The following SPINK14 variants were observed in gnomAD, a reference collection of about 807,000 sequenced individuals.
The protein encoded by SPINK14 is serine peptidase inhibitor Kazal type 14 (putative), also known as serine protease inhibitor Kazal-type 14.
Under a neutral mutation model 14.2 loss-of-function variants are expected in SPINK14, and 6 were observed. The ratio of observed to expected loss-of-function variants is 0.42; its 90% confidence interval spans 0.23 to 0.83. The LOEUF (loss-of-function observed/expected upper bound fraction) is 0.83, where lower values mean the gene tolerates loss of function less well. Ranked by LOEUF, SPINK14 falls within the 40% of genes least tolerant of loss-of-function variation. The pLI, the probability that SPINK14 is intolerant of heterozygous loss-of-function variation, is 0.28. For missense variants in SPINK14, 86 were observed against 108.3 expected (o/e 0.79, Z 0.91); for synonymous variants, 34 against 36.8 (o/e 0.92, Z 0.27).
chr5:148,170,849 A>G (rs955839632), intron 2 of SPINK14, 81 bp from the exon 3 acceptor site: 2 of 1,227,564 alleles, frequency 1.6e-6, no homozygotes, highest in East Asian at 2.4e-5. Context: ...ATAATAAATT[A>G]GAACTCGTTT....
chr5:148,174,318 G>T lies in SPINK14; in HGVS notation c.196G>T (p.Gly66Cys). ...PCPGLYQPIC[G>C]TNFITYDNPC... ...CCCTGGCTTATATCAACCCATCTGC[G>T]GCACCAATTTTATAACCTATGATAA... The change falls in exon 4 of 5, where the codon GGC becomes TGC. Residue 66 changes from glycine (G) to cysteine (C), a missense_variant. Gly to Cys is a radical substitution (Grantham distance 159, BLOSUM62 -3). Coordinates refer to ENST00000356972, the MANE Select transcript of SPINK14 (RefSeq NM_001001325.2). 2 of 1,113,516 alleles carry T rather than the reference G, an allele frequency of 1.8e-6. 1 individual carries two copies. Among genetic ancestry groups the T allele is most frequent in the Non-Finnish European group, 2.5e-6 (2 of 810,602 alleles). The allele number at this position is 1,113,516 out of a possible 1,614,324, so 69.0% of individuals were successfully genotyped here.
At chr5:148,169,203 C>A (rs1326632655) in intron 1 of SPINK14, among the ~76,000 whole-genome samples, 2 of 152,136 alleles carry the variant, frequency 1.3e-5, no homozygotes, top group African/African-American at 2.4e-5. Context: ...TTGGTATAGA[C>A]AAGCATGCCT....
At chr5:148,171,099 C>A in intron 3 of SPINK14, 126 bp downstream of exon 3, 1 of 849,172 alleles carries the variant, frequency 1.2e-6, no homozygotes. Context: ...CCTATTTGTA[C>A]GAGGGTGGTG....
chr5:148,169,929 T>A (rs7726994), intron 2 of SPINK14, 130 bp downstream of exon 2: 188,881 of 395,312 alleles, frequency 0.48, 47,698 homozygotes, highest in Middle Eastern at 0.54. Context: ...TATATATATA[T>A]AAATTATCCA....
In SPINK14 at chr5:148,174,244, C is replaced by A. The variant is rs1418117251; in HGVS notation, c.122C>A (p.Pro41Gln). The change falls in exon 4 of 5, where the codon CCA (proline) becomes CAA (glutamine). Residue 41 changes from proline to glutamine, a missense_variant. Physicochemically the swap from Pro to Gln is moderately conservative, Grantham distance 76 (BLOSUM62 -1). Transcript: ENST00000356972. ...TCAACTCAATTTCAGGTGAAATGTC[C>A]ATATGAGAAAGTAAACTTGAGCTGG... ...PPRGIIKVKCPYEKVNLSWYN... is the reference protein window; with the variant it reads ...PPRGIIKVKCQYEKVNLSWYN... The A allele has an allele frequency of 8.1e-6, 9 of 1,113,504 alleles. 3 individuals are homozygous for A. The East Asian group carries it at 2.5e-4, about 31-fold the overall frequency. The allele number at this position is 1,113,504 out of a possible 1,614,324, so 69.0% of individuals were successfully genotyped here.
In SPINK14 at chr5:148,174,300, T is replaced by C. The variant is rs1236649339; in HGVS notation, c.178T>C (p.Leu60=). The C allele has an allele frequency of 2.7e-6, 3 of 1,114,038 alleles. 1 individual carries two copies. The Admixed American group carries it at 6.1e-5, about 23-fold the overall frequency. The allele number at this position is 1,114,038 out of a possible 1,614,324, so 69.0% of individuals were successfully genotyped here. A position where few individuals can be genotyped will look rare whatever the true frequency, so the allele number is the denominator to read the frequency against. ...TGGAACGGTCAACCCCTGCCCTGGC[T>C]TATATCAACCCATCTGCGGCACCAA... is the stretch of plus-strand genomic sequence containing the variant. ...YNGTVNPCPG[L]YQPICGTNFI... Residue 60 remains leucine, a synonymous_variant, in exon 4 of 5, where the codon TTA becomes CTA. Coordinates refer to ENST00000356972, the MANE Select transcript of SPINK14 (RefSeq NM_001001325.2).
At chr5:148,170,862 T>C in intron 2 of SPINK14, 68 bp from the exon 3 acceptor site, 1 of 1,402,284 alleles carries the variant, frequency 7.1e-7, no homozygotes, top group Non-Finnish European at 1.0e-6. Context: ...ACTCGTTTAT[T>C]CTGCCAACAG....
At chr5:148,168,752 G>C (rs1324105593) in intron 1 of SPINK14, among the ~76,000 whole-genome samples, 185 bp downstream of exon 1, 1 of 152,080 alleles carries the variant, frequency 6.6e-6, no homozygotes, top group African/African-American at 2.4e-5. Flanking sequence ...GAGTAGGCAT[G>C]GTAGGCAACC....
chr5:148,170,571 T>A (rs529056899), intron 2 of SPINK14, among the ~76,000 whole-genome samples: 5 of 152,082 alleles, frequency 3.3e-5, no homozygotes, highest in Non-Finnish European at 7.4e-5. Context: ...CCTAAAAAAA[T>A]ATGATGATTG....
Position 148,175,368 on chromosome 5 carries a change from A to G in SPINK14, c.264A>G (p.Arg88=). The G allele has an allele frequency of 1.2e-6, 2 of 1,603,282 alleles. No individual in the cohort carries two copies. The highest frequency in any genetic ancestry group is 8.5e-7 in the Non-Finnish European group (1 of 1,172,718). The change falls in exon 5 of 5, where the codon AGA becomes AGG. Residue 88 remains arginine, a synonymous_variant. Transcript: ENST00000356972. ...CTTCCTTTAGGAAATCTCATGGAAG[A>G]ATCAGGTTTTACCATGATGGAAAAT... The part of the protein sequence containing the change: ...LCVESLKSHG[R]IRFYHDGKC
intron 1 of SPINK14, among the ~76,000 whole-genome samples, 151 bp from the exon 2 acceptor site, chr5:148,169,510 T>C (rs1755072493): frequency 6.6e-6 from 1 of 152,208 alleles, no homozygotes; most frequent in African/African-American, 2.4e-5. Flanking sequence ...TTAATCAAGA[T>C]AGTTATTCAA....
At chr5:148,168,841 T>C (rs1755064499) in intron 1 of SPINK14, among the ~76,000 whole-genome samples, 1 of 152,168 alleles carries the variant, frequency 6.6e-6, no homozygotes, top group African/African-American at 2.4e-5. Flanking sequence ...AAGTAACACC[T>C]GCCACATCAG....
At chr5:148,174,449 T>A in intron 4 of SPINK14, 79 bp downstream of exon 4, 1 of 833,372 alleles carries the variant, frequency 1.2e-6, no homozygotes, top group Non-Finnish European at 1.7e-6. Context: ...TCCTATCAAG[T>A]ACATCAACCT....
chr5:148,172,749 G>A (rs1468076429), intron 3 of SPINK14, among the ~76,000 whole-genome samples: 6 of 152,032 alleles, frequency 3.9e-5, no homozygotes, highest in African/African-American at 1.4e-4. Flanking sequence ...GAGCTCTAAA[G>A]TTAGAATGAG....
intron 4 of SPINK14, among the ~76,000 whole-genome samples, chr5:148,174,683 A>C (rs1368874481): frequency 6.8e-6 from 1 of 147,124 alleles, no homozygotes; most frequent in African/African-American, 2.5e-5. Flanking sequence ...ATTATTTTTT[A>C]TTTTAAGAAA....
At position 148,174,243 on chromosome 5, in the gene SPINK14, C is replaced by T. The variant is rs1184432018; in HGVS notation, c.121C>T (p.Pro41Ser). The change falls in exon 4 of 5, where the codon CCA (proline) becomes TCA (serine). Residue 41 changes from proline (P) to serine (S), a missense_variant. Transcript: ENST00000356972. ...PPRGIIKVKC[P>S]YEKVNLSWYN... ...TTCAACTCAATTTCAGGTGAAATGT[C>T]CATATGAGAAAGTAAACTTGAGCTG... 1 of 1,113,496 alleles carries T rather than the reference C, an allele frequency of 9.0e-7. No individual in the cohort carries two copies. Among genetic ancestry groups the T allele is most frequent in the South Asian group, 1.6e-5 (1 of 64,304 alleles). The allele number at this position is 1,113,496 out of a possible 1,614,324, so 69.0% of individuals were successfully genotyped here. A position where few individuals can be genotyped will look rare whatever the true frequency, so the allele number is the denominator to read the frequency against.
At chr5:148,172,797 T>C (rs535693084) in intron 3 of SPINK14, among the ~76,000 whole-genome samples, 9 of 93,464 alleles carry the variant, frequency 9.6e-5, no homozygotes, top group Admixed American at 1.8e-4. Context: ...GGGGTGGTTA[T>C]GACACGTCAG....
At chr5:148,170,083 AC>A (rs1755081880) in intron 2 of SPINK14, among the ~76,000 whole-genome samples, 1 of 111,516 alleles carries the variant, frequency 9.0e-6, no homozygotes, top group African/African-American at 3.2e-5. Flanking sequence ...ATATACATAT[AC>A]ATATATATAC....
intron 3 of SPINK14, among the ~76,000 whole-genome samples, chr5:148,171,462 G>A (rs1755104893): frequency 6.6e-6 from 1 of 152,156 alleles, no homozygotes; most frequent in Admixed American, 6.5e-5. Context: ...CTCAAACTAT[G>A]TTTGCAACTT....
Sources: gnomAD v4.1 joint callset for allele counts (sites outside exome capture counted in the v4.1 genomes callset) on GRCh38, gnomAD v4.1.1 for gene constraint, MANE v1.5 for transcripts, NCBI Gene and HGNC (gene_info 2026-07-23, HGNC 2026-07-21) for gene names.